DCC: variants seen among roughly 807,000 people sequenced by gnomAD.
The protein encoded by DCC is netrin receptor DCC.
Under a neutral mutation model 172.5 loss-of-function variants are expected in DCC, and 58 were observed. The ratio of observed to expected loss-of-function variants is 0.34; its 90% CI spans 0.27 to 0.42. The LOEUF (loss-of-function observed/expected upper bound fraction) is 0.42. Among genes scored for constraint, DCC ranks in the 10% least tolerant of loss-of-function variants. The probability of loss-of-function intolerance (pLI) is 1.00; values close to 1 mark genes in which losing one functional copy is unlikely to be tolerated. For missense variants in DCC, 1,740 were observed against 1,791.0 expected (o/e 0.97, Z 0.51); for synonymous variants, 709 against 644.5 (o/e 1.10, Z -1.52).
intron 1 of DCC, among the ~76,000 whole-genome samples, chr18:52,735,158 C>G (rs1393849040): frequency 6.6e-6 from 1 of 152,126 alleles, no homozygotes; most frequent in Admixed American, 6.6e-5. Context: ...CACTCAGGGT[C>G]TTCTGATTTG....
intron 7 of DCC, among the ~76,000 whole-genome samples, chr18:53,080,433 A>G (rs753069620): frequency 2.2e-4 from 34 of 152,176 alleles, no homozygotes; most frequent in Non-Finnish European, 4.7e-4. Flanking sequence ...TAGGAAGCCT[A>G]AAAGGCAAAT....
chr18:53,034,517 A>G (rs375004823), intron 5 of DCC, among the ~76,000 whole-genome samples: 1 of 152,090 alleles, frequency 6.6e-6, no homozygotes, highest in Non-Finnish European at 1.5e-5. Context: ...ATCAAAATAC[A>G]GAACCTTCAC....
intron 2 of DCC, among the ~76,000 whole-genome samples, chr18:52,799,885 G>A (rs368801858): frequency 1.3e-5 from 2 of 152,074 alleles, no homozygotes; most frequent in African/African-American, 4.8e-5. Flanking sequence ...GTTTGTTGTT[G>A]GGTGTGGATA....
At chr18:53,201,225 G>C (rs964175768) in intron 9 of DCC, among the ~76,000 whole-genome samples, 4 of 152,130 alleles carry the variant, frequency 2.6e-5, no homozygotes, top group African/African-American at 9.7e-5. Context: ...CAAGTCACAG[G>C]AGGAGTGATG....
At chr18:52,783,969 T>C (rs2037604531) in intron 2 of DCC, among the ~76,000 whole-genome samples, 1 of 152,092 alleles carries the variant, frequency 6.6e-6, no homozygotes, top group Non-Finnish European at 1.5e-5. Flanking sequence ...CTTCTAACTT[T>C]AATGTAGTCT....
chr18:53,203,513 T>C (rs1217344100), intron 9 of DCC, among the ~76,000 whole-genome samples: 1 of 152,154 alleles, frequency 6.6e-6, no homozygotes, highest in East Asian at 1.9e-4. Context: ...CATTAATACA[T>C]GTTCTGCCAT....
chr18:52,653,174 G>T (rs763095581), intron 1 of DCC, among the ~76,000 whole-genome samples: 2 of 152,076 alleles, frequency 1.3e-5, no homozygotes, highest in Non-Finnish European at 2.9e-5. Context: ...TCTTTTAAAG[G>T]CATATTGTAT....
intron 14 of DCC, among the ~76,000 whole-genome samples, chr18:53,333,561 A>G (rs1001759153): frequency 1.3e-5 from 2 of 152,192 alleles, no homozygotes; most frequent in African/African-American, 2.4e-5. Context: ...GAGGAAAACA[A>G]AGTATCCAGT....
intron 1 of DCC, among the ~76,000 whole-genome samples, chr18:52,466,786 A>C (rs1988795857): frequency 6.6e-6 from 1 of 152,164 alleles, no homozygotes; most frequent in Non-Finnish European, 1.5e-5. Flanking sequence ...GATAAAAAGA[A>C]AATGTATCTA....
chr18:52,488,204 G>T (rs909728601), intron 1 of DCC, among the ~76,000 whole-genome samples: 3 of 152,082 alleles, frequency 2.0e-5, no homozygotes, highest in Non-Finnish European at 4.4e-5. Context: ...ATTTTTTGCA[G>T]ACTCTTCTTT....
intron 5 of DCC, among the ~76,000 whole-genome samples, chr18:52,939,569 A>G (rs1167812281): frequency 6.6e-6 from 1 of 152,208 alleles, no homozygotes; most frequent in Non-Finnish European, 1.5e-5. Context: ...TGATGTTTTC[A>G]TAACAGACAT....
chr18:52,343,254 A>G (rs1208675641), intron 1 of DCC, among the ~76,000 whole-genome samples: 1 of 152,226 alleles, frequency 6.6e-6, no homozygotes, highest in Non-Finnish European at 1.5e-5. Flanking sequence ...GGAAACTTAC[A>G]ACGAGAAAGC....
At chr18:53,114,564 AT>A (rs908288729) in intron 7 of DCC, among the ~76,000 whole-genome samples, 10 of 151,284 alleles carry the variant, frequency 6.6e-5, no homozygotes, top group African/African-American at 2.2e-4. Flanking sequence ...GGAAGCCACA[AT>A]TTTTTTTTAA....
rs544711353 is a variant in DCC, at chr18:53,164,953, T to C, written c.1418+7441T>C. Among the ~76,000 whole-genome samples, 7 of 152,298 alleles carry C rather than the reference T, an allele frequency of 4.6e-5. No homozygotes were observed. In the South Asian group the frequency reaches 1.4e-3, roughly 32 times the overall value. ...AAGAAACCACACTAATAGTAAATAT[T>C]AGAACTGGGATTTCAATGCAAGGTT... On this transcript the variant is annotated intron_variant, in intron 8 of 28. Coordinates refer to ENST00000442544, the MANE Select transcript of DCC (RefSeq NM_005215.4).
chr18:53,213,055 A>G (rs946424182), intron 11 of DCC, among the ~76,000 whole-genome samples: 21 of 152,142 alleles, frequency 1.4e-4, no homozygotes, highest in African/African-American at 4.8e-4. Context: ...ATATATATCT[A>G]TCCTCTTAAA....
At chr18:53,203,201 TTGTGTGTGTGTGTGTG>T (rs66474118) in intron 9 of DCC, among the ~76,000 whole-genome samples, 3 of 125,254 alleles carry the variant, frequency 2.4e-5, no homozygotes, top group Non-Finnish European at 5.6e-5. Flanking sequence ...ATAGATTCTC[TTGTGTGTGTGTGTGTG>T]TGTGTGTGTG....
intron 19 of DCC, among the ~76,000 whole-genome samples, chr18:53,405,556 A>G (rs1909607553): frequency 6.6e-6 from 1 of 152,202 alleles, no homozygotes; most frequent in South Asian, 2.1e-4. Context: ...AGGCTTTACT[A>G]ATGTGCTTTA....
intron 27 of DCC, among the ~76,000 whole-genome samples, chr18:53,515,914 A>G (rs2046328189): frequency 6.6e-6 from 1 of 152,126 alleles, no homozygotes; most frequent in Non-Finnish European, 1.5e-5. Flanking sequence ...TCATCAAGCT[A>G]CCAATGCCTT....
At chr18:53,452,519 C>A (rs1394777866) in intron 23 of DCC, among the ~76,000 whole-genome samples, 2 of 152,064 alleles carry the variant, frequency 1.3e-5, no homozygotes, top group Non-Finnish European at 2.9e-5. Context: ...GGATTTGGTG[C>A]CATGTTGAGA....
Sources: gnomAD v4.1 joint callset for allele counts (sites outside exome capture counted in the v4.1 genomes callset) on GRCh38, gnomAD v4.1.1 for gene constraint, MANE v1.5 for transcripts, NCBI Gene and HGNC (gene_info 2026-07-23, HGNC 2026-07-21) for gene names.